The following GABRA2 variants were observed in gnomAD, a reference collection of about 807,000 sequenced individuals.
The protein encoded by GABRA2 is gamma-aminobutyric acid type A receptor subunit alpha2.
GABRA2 carries 16 observed loss-of-function variants against 48.7 expected under a neutral mutation model. The observed-to-expected ratio is 0.33, with a 90% CI of 0.22 to 0.50. The LOEUF is 0.50. GABRA2 is among the 20% of genes least tolerant of loss of function. The probability of loss-of-function intolerance (pLI) is 0.98; values close to 1 mark genes in which losing one functional copy is unlikely to be tolerated. For synonymous variants in GABRA2, 185 were observed against 184.5 expected, an observed-to-expected ratio of 1.00 and a Z score of -0.02; for missense variants, 275 against 535.6, an observed-to-expected ratio of 0.51 and a Z score of 4.80.
chr4:46,326,966 C>T (rs1190500200), intron 4 of GABRA2, among the ~76,000 whole-genome samples: 3 of 151,946 alleles, frequency 2.0e-5, no homozygotes, highest in African/African-American at 7.2e-5. Flanking sequence ...CTTCTTCCAC[C>T]CTTATATCCA....
At chr4:46,346,340 A>C (rs1203294217) in intron 3 of GABRA2, among the ~76,000 whole-genome samples, 1 of 151,874 alleles carries the variant, frequency 6.6e-6, no homozygotes, top group Non-Finnish European at 1.5e-5. Flanking sequence ...GATGACTCAA[A>C]CAATACAGTA....
At position 46,312,533 on chromosome 4, in the gene GABRA2, G is replaced by A. The variant is rs748381199; in HGVS notation, c.439C>T (p.Arg147Ter). The change falls in exon 5 of 10, where the codon CGA becomes TGA. Residue 147 changes from arginine to a stop codon, truncating the protein, a stop_gained. Coordinates refer to ENST00000381620, the MANE Select transcript of GABRA2 (RefSeq NM_000807.4). LOFTEE classifies it high-confidence loss of function. The stretch of plus-strand genomic sequence containing the variant: ...AGCAGAGTCCCATCATCCTGAATTC[G>A]AAGCAACTTATTTGGCATTGTCATA... ...HNMTMPNKLL[R>*]IQDDGTLLYT... is the part of the protein sequence containing the mutation. 1 of 1,606,710 alleles carries A rather than the reference G, an allele frequency of 6.2e-7. No individual in the cohort carries two copies. The highest frequency in any genetic ancestry group is 8.5e-7 in the Non-Finnish European group (1 of 1,177,208).
At chr4:46,348,021 C>T (rs933878662) in intron 3 of GABRA2, among the ~76,000 whole-genome samples, 4 of 151,980 alleles carry the variant, frequency 2.6e-5, no homozygotes, top group Non-Finnish European at 5.9e-5. Flanking sequence ...TCACAACCTA[C>T]CCATCTGACA....
rs1478510953 is a variant in GABRA2, at chr4:46,248,055, C to T, written c.*2253G>A. Among the ~76,000 whole-genome samples the T allele has an allele frequency of 2.6e-5, 4 of 151,290 alleles. No individual in the cohort carries two copies. Among genetic ancestry groups the T allele is most frequent in the Non-Finnish European group, 4.4e-5 (3 of 67,530 alleles). On this transcript the variant is annotated 3_prime_UTR_variant, in exon 10 of 10. Coordinates refer to ENST00000381620, the MANE Select transcript of GABRA2 (RefSeq NM_000807.4). ...TAAATGCTAATAATACTGGTGCCAT[C>T]AATATAGTAGCAGCTCTTTGCCCAA... is the stretch of plus-strand genomic sequence containing the variant.
chr4:46,262,732 T>C (rs550653504), intron 8 of GABRA2, among the ~76,000 whole-genome samples: 246 of 152,078 alleles, frequency 1.6e-3, no homozygotes, highest in African/African-American at 5.6e-3. Flanking sequence ...ACCCCATCTC[T>C]ATTAAAAATA....
intron 7 of GABRA2, among the ~76,000 whole-genome samples, chr4:46,304,391 C>T (rs1726271123): frequency 6.6e-6 from 1 of 152,102 alleles, no homozygotes; most frequent in South Asian, 2.1e-4. Context: ...CTCATATCTA[C>T]CTTCCTTTCT....
chr4:46,292,030 C>G (rs745584874), intron 8 of GABRA2, among the ~76,000 whole-genome samples: 3 of 151,982 alleles, frequency 2.0e-5, no homozygotes, highest in South Asian at 2.1e-4. Context: ...TTGGCATGAA[C>G]TGTTTAGAGA....
intron 3 of GABRA2, among the ~76,000 whole-genome samples, chr4:46,349,950 C>T (rs906489486): frequency 3.3e-5 from 5 of 151,838 alleles, no homozygotes; most frequent in African/African-American, 1.2e-4. Context: ...CCCTTAAGTA[C>T]TTGTCATATC....
At chr4:46,314,671 C>T (rs183962) in intron 4 of GABRA2, among the ~76,000 whole-genome samples, 57,465 of 151,856 alleles carry the variant, frequency 0.38, 11,571 homozygotes, top group East Asian at 0.52. Context: ...GTGTCTATCG[C>T]TGTCATCTTT....
At chr4:46,356,985 T>G (rs535171279) in intron 3 of GABRA2, among the ~76,000 whole-genome samples, 13 of 150,052 alleles carry the variant, frequency 8.7e-5, no homozygotes, top group East Asian at 3.9e-4. Context: ...GGGTTTGTTT[T>G]TTTTTTGTTT....
chr4:46,346,799 G>T lies in GABRA2; in HGVS notation c.188-14117C>A, dbSNP rs556782239. The stretch of plus-strand genomic sequence containing the variant: ...TGGAAGTCCTAACCAGAGCAATTAA[G>T]CAAGAAAGAAAAATAAAAGGCATCC... On this transcript the variant is annotated intron_variant, in intron 3 of 9. Coordinates refer to ENST00000381620, the MANE Select transcript of GABRA2 (RefSeq NM_000807.4). Among the ~76,000 whole-genome samples, 5 of 151,388 alleles carry T rather than the reference G, an allele frequency of 3.3e-5. No homozygotes were observed. In the South Asian group the frequency reaches 8.3e-4, roughly 25 times the overall value.
chr4:46,389,002 C>T (rs1717865296), intron 1 of GABRA2: 16 of 1,211,188 alleles, frequency 1.3e-5, no homozygotes, highest in Non-Finnish European at 1.6e-5. Context: ...AGGAACGTCC[C>T]CCAGCCTCAT....
intron 3 of GABRA2, chr4:46,364,633 CT>C (rs1713752086): frequency 6.6e-6 from 1 of 152,224 alleles, no homozygotes; most frequent in African/African-American, 2.4e-5. Context: ...TCCCTGCTGG[CT>C]GTCAAGTCTC....
chr4:46,287,065 T>C (rs1722689431), intron 8 of GABRA2, among the ~76,000 whole-genome samples: 1 of 152,136 alleles, frequency 6.6e-6, no homozygotes, highest in Non-Finnish European at 1.5e-5. Context: ...TTCCTAATAG[T>C]TTTATATTTT....
In GABRA2 at chr4:46,250,075, TA is replaced by T; in HGVS notation, c.*232del. ...TTGAAATTCACTTTAAATCAGGTCC[TA>T]GGGTAAATCTTTAAAAAAGGCAATG... On this transcript the variant is annotated 3_prime_UTR_variant, in exon 10 of 10. Transcript: ENST00000381620. 1 of 455,402 alleles carries T rather than the reference TA, an allele frequency of 2.2e-6. No homozygotes were observed. Among genetic ancestry groups the T allele is most frequent in the Non-Finnish European group, 3.9e-6 (1 of 255,444 alleles). The allele number at this position is 455,402 out of a possible 1,614,324, so 28.2% of individuals were successfully genotyped here.
intron 4 of GABRA2, among the ~76,000 whole-genome samples, chr4:46,330,591 T>TATAGAGAGAGAGAGAG (rs1411755120): frequency 0.03 from 3,692 of 122,058 alleles, 101 homozygotes; most frequent in Non-Finnish European, 0.048. Context: ...TATATATATA[T>TATAGAGAGAGAGAGAG]AGAGAGAGAG....
chr4:46,369,519 A>G (rs376578170), intron 3 of GABRA2, among the ~76,000 whole-genome samples: 5 of 149,700 alleles, frequency 3.3e-5, no homozygotes, highest in Non-Finnish European at 7.4e-5. Flanking sequence ...AAATACAGAT[A>G]CCATTAGCCA....
intron 2 of GABRA2, 23 bp downstream of exon 2, chr4:46,388,613 G>A: frequency 6.2e-7 from 1 of 1,613,260 alleles, no homozygotes. Flanking sequence ...AATTAAAATA[G>A]TCAAATACAA....
In GABRA2 at chr4:46,389,855, G is replaced by A. The variant is rs902007390; in HGVS notation, c.-131C>T. 9.4e-6 allele frequency: 9 copies of A among 955,676 alleles called. No homozygotes were observed. The highest frequency in any genetic ancestry group is 5.4e-4 in the Middle Eastern group (1 of 1,850). The allele number at this position is 955,676 out of a possible 1,614,324, so 59.2% of individuals were successfully genotyped here. ...AGAGAGAGAGAGAGAGAGAGAGAGAGAGAGAGACCGAGACTGCAGCAGCCA... is the reference window on the plus strand; with the variant it reads ...AGAGAGAGAGAGAGAGAGAGAGAGAAAGAGAGACCGAGACTGCAGCAGCCA... On this transcript the variant is annotated 5_prime_UTR_variant, in exon 1 of 10. Transcript: ENST00000381620.
Sources: gnomAD v4.1 joint callset for allele counts (sites outside exome capture counted in the v4.1 genomes callset) on GRCh38, gnomAD v4.1.1 for gene constraint, MANE v1.5 for transcripts, NCBI Gene and HGNC (gene_info 2026-07-23, HGNC 2026-07-21) for gene names.